The following VEGFD variants were observed in gnomAD, a reference collection of about 807,000 sequenced individuals.
The protein encoded by VEGFD is c-fos induced growth factor (vascular endothelial growth factor D).
VEGFD carries 26 observed loss-of-function variants against 28.0 expected under a neutral mutation model. The observed-to-expected ratio is 0.93, with a 90% CI of 0.68 to 1.29. VEGFD has a LOEUF of 1.29. VEGFD is among the 50% of genes most tolerant of loss of function. VEGFD has a pLI of 0.00. For missense variants in VEGFD, 294 were observed against 273.4 expected, an observed-to-expected ratio of 1.08 and a Z score of -0.53; for synonymous variants, 93 against 95.5, an observed-to-expected ratio of 0.97 and a Z score of 0.15.
intron 2 of VEGFD, among the ~76,000 whole-genome samples, chrX:15,359,362 C>CTTTTTTTTTTTT (rs1171408211): frequency 4.8e-5 from 3 of 62,892 alleles, no homozygotes; most frequent in Admixed American, 1.9e-4. Flanking sequence ...CACTTGCAGG[C>CTTTTTTTTTTTT]TTTTTTTTTT....
chrX:15,367,986 A>AAGAAAGAAAGAAAGAAAGAAAGAAAG (rs1236594721), intron 1 of VEGFD, among the ~76,000 whole-genome samples: 10 of 66,630 alleles, frequency 1.5e-4, no homozygotes, highest in African/African-American at 2.2e-4. Context: ...AAGAAAAAGA[A>AAGAAAGAAAGAAAGAAAGAAAGAAAG]AAAGAAAGAA....
In VEGFD at chrX:15,350,726, T is replaced by TTTCC. The variant is rs201353093; in HGVS notation, c.742+2341_742+2342insGGAA. 4.0e-3 allele frequency among the ~76,000 whole-genome samples: 441 copies of TTTCC among 110,776 alleles called. 14 individuals are homozygous for TTTCC. The highest frequency in any genetic ancestry group is 0.039 in the Admixed American group (411 of 10,431). ...CAGTAACTTACTTTCTTTCTCTTTC[T>TTTCC]TTCTTTCTATCCTTCCTTCCTTCCT... On this transcript the variant is annotated intron_variant, in intron 5 of 6. Coordinates refer to ENST00000297904, the MANE Select transcript of VEGFD (RefSeq NM_004469.5).
intron 1 of VEGFD, among the ~76,000 whole-genome samples, chrX:15,379,686 G>GA (rs1923521114): frequency 8.9e-6 from 1 of 112,069 alleles, no homozygotes; most frequent in African/African-American, 3.2e-5. Flanking sequence ...AATGTTCTCA[G>GA]AAACAATTTT....
intron 1 of VEGFD, among the ~76,000 whole-genome samples, chrX:15,379,470 T>C (rs1212205071): frequency 8.9e-6 from 1 of 111,848 alleles, no homozygotes; most frequent in Non-Finnish European, 1.9e-5. Context: ...CCTCAGGGTG[T>C]GTTTGCTGTA....
intron 2 of VEGFD, among the ~76,000 whole-genome samples, chrX:15,359,362 CTTTTTTT>C (rs1171408211): frequency 1.6e-5 from 1 of 62,892 alleles, no homozygotes; most frequent in African/African-American, 6.6e-5. Flanking sequence ...CACTTGCAGG[CTTTTTTT>C]TTTTTTTTTT....
intron 5 of VEGFD, among the ~76,000 whole-genome samples, chrX:15,348,457 T>C (rs1922608893): frequency 1.8e-5 from 2 of 112,316 alleles, no homozygotes; most frequent in Non-Finnish European, 3.8e-5. Context: ...CTTCCCACAA[T>C]AAAAACCAAT....
intron 1 of VEGFD, among the ~76,000 whole-genome samples, chrX:15,375,098 G>A (rs755140179): frequency 2.7e-5 from 3 of 111,350 alleles, no homozygotes; most frequent in South Asian, 3.8e-4. Context: ...AGCCGGACAG[G>A]TGAGCTTGAA....
At chrX:15,369,867 A>C (rs1923265302) in intron 1 of VEGFD, among the ~76,000 whole-genome samples, 2 of 112,181 alleles carry the variant, frequency 1.8e-5, no homozygotes, top group Non-Finnish European at 3.8e-5. Flanking sequence ...GGAGGCATGA[A>C]GACCAGGCTA....
chrX:15,362,991 A>G, intron 2 of VEGFD, 118 bp downstream of exon 2: 1 of 585,662 alleles, frequency 1.7e-6, no homozygotes, highest in Non-Finnish European at 2.7e-6. Context: ...GAAATCAAAG[A>G]CCGACTTTCA....
intron 3 of VEGFD, among the ~76,000 whole-genome samples, chrX:15,355,506 T>C (rs1235510103): frequency 8.9e-6 from 1 of 112,037 alleles, no homozygotes; most frequent in Non-Finnish European, 1.9e-5. Context: ...TTGATACTCT[T>C]GTAAAATGGT....
intron 2 of VEGFD, among the ~76,000 whole-genome samples, chrX:15,361,410 C>G (rs780694816): frequency 9.0e-6 from 1 of 111,457 alleles, no homozygotes; most frequent in Non-Finnish European, 1.9e-5. Flanking sequence ...GCTATGGTTC[C>G]TACCACATCA....
chrX:15,364,703 G>C (rs1265818687), intron 1 of VEGFD, among the ~76,000 whole-genome samples: 1 of 111,516 alleles, frequency 9.0e-6, no homozygotes, highest in African/African-American at 3.3e-5. Flanking sequence ...GAGGGAGGAG[G>C]CAAAGGACCA....
intron 2 of VEGFD, among the ~76,000 whole-genome samples, chrX:15,359,145 C>G (rs1370510726): frequency 9.0e-6 from 1 of 110,594 alleles, no homozygotes; most frequent in Middle Eastern, 4.7e-3. Context: ...GATAGTCATG[C>G]CCTTGTGTAA....
intron 5 of VEGFD, among the ~76,000 whole-genome samples, chrX:15,350,174 G>C (rs758031423): frequency 2.5e-4 from 28 of 110,873 alleles, no homozygotes; most frequent in Admixed American, 1.6e-3. Context: ...TTGCCCCTGT[G>C]AGCCTGTCCA....
intron 2 of VEGFD, 105 bp from the exon 3 acceptor site, chrX:15,358,298 G>A (rs1168857331): frequency 1.4e-6 from 1 of 696,414 alleles, no homozygotes; most frequent in Admixed American, 3.3e-5. Context: ...CATTTCTACT[G>A]CTTGTTTCTT....
chrX:15,367,984 G>GA (rs58857432), intron 1 of VEGFD, among the ~76,000 whole-genome samples: 3 of 19,192 alleles, frequency 1.6e-4, no homozygotes, highest in Non-Finnish European at 2.9e-4. Flanking sequence ...GAAAGAAAAA[G>GA]AAAAAGAAAG....
intron 2 of VEGFD, 116 bp downstream of exon 2, chrX:15,362,993 C>T (rs1923053332): frequency 5.0e-6 from 3 of 598,158 alleles, no homozygotes; most frequent in Admixed American, 3.5e-5. Flanking sequence ...AATCAAAGAC[C>T]GACTTTCATT....
intron 1 of VEGFD, among the ~76,000 whole-genome samples, chrX:15,367,710 C>T (rs1923179458): frequency 9.1e-6 from 1 of 110,429 alleles, no homozygotes; most frequent in Admixed American, 9.8e-5. Flanking sequence ...AATCCCAGCA[C>T]TTTGGGAAGC....
chrX:15,360,341 C>CT (rs766015755), intron 2 of VEGFD, among the ~76,000 whole-genome samples: 9,802 of 96,716 alleles, frequency 0.1, 500 homozygotes, highest in Middle Eastern at 0.2. Context: ...TCCTGAGAAA[C>CT]TTTTTTTTTT....
Sources: allele counts gnomAD v4.1 joint callset (sites outside exome capture counted in the v4.1 genomes callset), GRCh38; gene constraint gnomAD v4.1.1; transcripts MANE v1.5; gene names NCBI Gene and HGNC (gene_info 2026-07-23, HGNC 2026-07-21).